The following GABRG3 variants were observed in gnomAD, a reference collection of about 807,000 sequenced individuals.
GABRG3 encodes the protein gamma-aminobutyric acid type A receptor subunit gamma3, also known as gamma-aminobutyric acid receptor subunit gamma-3.
Under a neutral mutation model 48.8 loss-of-function variants are expected in GABRG3, and 25 were observed. The ratio of observed to expected loss-of-function variants is 0.51; its 90% CI spans 0.37 to 0.72. GABRG3 has a LOEUF of 0.72. Ranked by LOEUF, GABRG3 falls within the 30% of genes least tolerant of loss-of-function variation. The pLI is 0.00. For synonymous variants in GABRG3, 227 were observed against 217.6 expected (o/e 1.04, Z -0.38); for missense variants, 394 against 577.9 (o/e 0.68, Z 3.26).
At chr15:27,509,343 T>C (rs939659803) in intron 6 of GABRG3, among the ~76,000 whole-genome samples, 7 of 96,174 alleles carry the variant, frequency 7.3e-5, no homozygotes, top group Non-Finnish European at 1.4e-4. Flanking sequence ...GTTTGTTTTC[T>C]TTTGATTCTG....
At chr15:27,477,682 A>G (rs1039153549) in intron 5 of GABRG3, among the ~76,000 whole-genome samples, 2 of 152,116 alleles carry the variant, frequency 1.3e-5, no homozygotes, top group African/African-American at 4.8e-5. Flanking sequence ...TATACAGGAA[A>G]TCTCTGAACT....
chr15:27,080,989 A>C (rs80320997), intron 3 of GABRG3, among the ~76,000 whole-genome samples: 1,792 of 152,182 alleles, frequency 0.012, 43 homozygotes, highest in African/African-American at 0.041. Flanking sequence ...GAGAAGAGGC[A>C]GGCCACCCCA....
At chr15:27,132,761 C>A (rs1362496678) in intron 3 of GABRG3, among the ~76,000 whole-genome samples, 4 of 150,358 alleles carry the variant, frequency 2.7e-5, no homozygotes, top group African/African-American at 9.8e-5. Context: ...AGAATCAACT[C>A]TTATTTTGTT....
chr15:27,469,393 T>C (rs1595775756), intron 5 of GABRG3, among the ~76,000 whole-genome samples: 1 of 152,170 alleles, frequency 6.6e-6, no homozygotes, highest in African/African-American at 2.4e-5. Flanking sequence ...CAGGCTAGAG[T>C]GCAGTGGCAC....
At chr15:27,269,180 A>G (rs1891007657) in intron 3 of GABRG3, among the ~76,000 whole-genome samples, 1 of 152,028 alleles carries the variant, frequency 6.6e-6, no homozygotes, top group South Asian at 2.1e-4. Flanking sequence ...CCAATCTGTC[A>G]TCCTCCTGCC....
intron 3 of GABRG3, among the ~76,000 whole-genome samples, chr15:27,275,158 G>T (rs371703706): frequency 6.6e-6 from 1 of 152,162 alleles, no homozygotes; most frequent in East Asian, 1.9e-4. Context: ...ATGATGAGGG[G>T]CATTAATGAA....
chr15:27,084,692 G>A (rs534142439), intron 3 of GABRG3, among the ~76,000 whole-genome samples: 1 of 152,312 alleles, frequency 6.6e-6, no homozygotes, highest in Admixed American at 6.5e-5. Flanking sequence ...AGCAAATTGG[G>A]TACTGTGTAG....
chr15:27,052,646 A>G (rs1167588439), intron 3 of GABRG3, among the ~76,000 whole-genome samples: 1 of 152,220 alleles, frequency 6.6e-6, no homozygotes, highest in Admixed American at 6.5e-5. Context: ...GGATCAGCAG[A>G]TGATTAAAAT....
At chr15:27,142,177 T>C (rs1022711896) in intron 3 of GABRG3, among the ~76,000 whole-genome samples, 7 of 152,372 alleles carry the variant, frequency 4.6e-5, no homozygotes, top group Non-Finnish European at 1.0e-4. Flanking sequence ...CCATTTTTCA[T>C]TGATAACTTA....
In GABRG3 at chr15:27,527,587, T is replaced by C. The variant is rs1281732798; in HGVS notation, c.1020T>C (p.Tyr340=). 6.2e-7 allele frequency: 1 copy of C among 1,613,316 alleles called. No individual in the cohort carries two copies. The highest frequency in any genetic ancestry group is 8.5e-7 in the Non-Finnish European group (1 of 1,179,582). The change falls in exon 8 of 10, where the codon TAT becomes TAC. Residue 340 remains tyrosine, a synonymous_variant. Coordinates refer to ENST00000615808, the MANE Select transcript of GABRG3 (RefSeq NM_033223.5). ...ALMEYATLNY[Y]SSCRKPTTTK... is the part of the protein sequence containing the mutation. ...TGGAGTATGCCACCCTCAACTACTA[T>C]TCCAGCTGTAGAAAACCAACCACCA...
intron 3 of GABRG3, among the ~76,000 whole-genome samples, chr15:27,101,624 A>G (rs533546601): frequency 6.6e-6 from 1 of 152,274 alleles, no homozygotes; most frequent in South Asian, 2.1e-4. Context: ...AAATGAACCC[A>G]TGCAATTACA....
At position 27,480,772 on chromosome 15, in the gene GABRG3, G is replaced by A. The variant is rs201602655; in HGVS notation, c.697G>A (p.Val233Met). ...GGGCCTCAGAAACACCACAGAAATC[G>A]TGACAACGTCTGCAGGTAGGAATTT... ...FMGLRNTTEI[V>M]TTSAGDYVVM... The change falls in exon 6 of 10, where the codon GTG becomes ATG. Residue 233 changes from valine to methionine, a missense_variant. Physicochemically the swap from Val to Met is conservative, Grantham distance 21. Coordinates refer to ENST00000615808, the MANE Select transcript of GABRG3 (RefSeq NM_033223.5). The A allele has an allele frequency of 2.0e-4, 328 of 1,613,704 alleles. No individual in the cohort carries two copies. The East Asian group carries it at 4.4e-3, about 22-fold the overall frequency.
At chr15:27,142,114 A>G (rs1473970833) in intron 3 of GABRG3, among the ~76,000 whole-genome samples, 2 of 152,208 alleles carry the variant, frequency 1.3e-5, no homozygotes, top group Non-Finnish European at 2.9e-5. Flanking sequence ...ACAATTTATA[A>G]TTTCATAATG....
At chr15:27,022,836 A>G (rs1895921291) in intron 2 of GABRG3, among the ~76,000 whole-genome samples, 1 of 152,182 alleles carries the variant, frequency 6.6e-6, no homozygotes, top group African/African-American at 2.4e-5. Context: ...TTCCAGGATG[A>G]AGACGGCCAT....
chr15:27,311,925 G>A lies in GABRG3; in HGVS notation c.271-14884G>A, dbSNP rs191786925. On this transcript the variant is annotated intron_variant, in intron 3 of 9. Transcript: ENST00000615808. ...ATCTAATGTGCAGACAACACAGAGA[G>A]TCAAGGAAAATGAAGAAACGGTAAT... 2.0e-5 allele frequency among the ~76,000 whole-genome samples: 3 copies of A among 152,174 alleles called. No individual in the cohort carries two copies. The East Asian group carries it at 5.8e-4, about 29-fold the overall frequency.
chr15:27,158,278 A>G (rs1417841478), intron 3 of GABRG3: 3 of 152,174 alleles, frequency 2.0e-5, no homozygotes, highest in African/African-American at 4.8e-5. Flanking sequence ...GGATCTGTAA[A>G]TTAGACACTG....
intron 3 of GABRG3, among the ~76,000 whole-genome samples, chr15:27,057,717 C>T (rs146392993): frequency 2.0e-5 from 3 of 152,278 alleles, no homozygotes; most frequent in African/African-American, 7.2e-5. Context: ...AATCTTACCA[C>T]GTACTTATTC....
At position 27,031,648 on chromosome 15, in the gene GABRG3, C is replaced by T. The variant is rs528541815; in HGVS notation, c.270+4827C>T. Among the ~76,000 whole-genome samples, 6 of 152,286 alleles carry T rather than the reference C, an allele frequency of 3.9e-5. No individual in the cohort carries two copies. The South Asian group carries it at 1.0e-3, about 26-fold the overall frequency. ...CATTTAAAACTGAAAAGATGACATGCAGCCAGAGAAATCATAAAGAACACA... is the reference window on the plus strand; with the variant it reads ...CATTTAAAACTGAAAAGATGACATGTAGCCAGAGAAATCATAAAGAACACA... On this transcript the variant is annotated intron_variant, in intron 3 of 9. Transcript: ENST00000615808.
At chr15:27,278,500 G>A (rs1478799227) in intron 3 of GABRG3, among the ~76,000 whole-genome samples, 1 of 152,082 alleles carries the variant, frequency 6.6e-6, no homozygotes, top group African/African-American at 2.4e-5. Flanking sequence ...CCTAATCCCG[G>A]ACACCACTAA....
Sources: gnomAD v4.1 joint callset for allele counts (sites outside exome capture counted in the v4.1 genomes callset) on GRCh38, gnomAD v4.1.1 for gene constraint, MANE v1.5 for transcripts, NCBI Gene and HGNC (gene_info 2026-07-23, HGNC 2026-07-21) for gene names.